Variants in E2F2 observed in about 807,000 individuals in gnomAD.
The protein encoded by E2F2 is E2F transcription factor 2, also known as transcription factor E2F2.
A neutral mutation model predicts 42.2 loss-of-function variants in E2F2; 22 were observed. The ratio of observed to expected loss-of-function variants is 0.52; its 90% CI spans 0.37 to 0.74. E2F2 has a LOEUF of 0.74. Ranked by LOEUF, E2F2 falls within the 30% of genes least tolerant of loss-of-function variation. The probability of loss-of-function intolerance (pLI) is 0.00; values close to 1 mark genes in which losing one functional copy is unlikely to be tolerated. For missense variants in E2F2, 481 were observed against 557.8 expected, an observed-to-expected ratio of 0.86 and a Z score of 1.39; for synonymous variants, 248 against 251.6, an observed-to-expected ratio of 0.99 and a Z score of 0.13.
At chr1:23,524,033 C>T (rs1228749651) in intron 2 of E2F2, among the ~76,000 whole-genome samples, 3 of 150,630 alleles carry the variant, frequency 2.0e-5, no homozygotes, top group African/African-American at 7.3e-5. Flanking sequence ...AAGATGGCAC[C>T]ACTGCAATCC....
At chr1:23,520,115 G>A (rs1346551071) in intron 4 of E2F2, among the ~76,000 whole-genome samples, 5 of 147,640 alleles carry the variant, frequency 3.4e-5, no homozygotes, top group Non-Finnish European at 6.0e-5. Flanking sequence ...GCATGGTGGC[G>A]GGCACCTGTA....
At chr1:23,514,341 AC>A (rs1189162509) in intron 6 of E2F2, among the ~76,000 whole-genome samples, 1 of 152,052 alleles carries the variant, frequency 6.6e-6, no homozygotes, top group African/African-American at 2.4e-5. Flanking sequence ...GTCCCAAGGG[AC>A]AGATGGCTAG....
At chr1:23,528,513 C>CTT (rs1250061939) in intron 1 of E2F2, among the ~76,000 whole-genome samples, 3 of 152,192 alleles carry the variant, frequency 2.0e-5, no homozygotes, top group African/African-American at 7.2e-5. Context: ...TGGTCTGCTG[C>CTT]AAGGAGACTC....
At chr1:23,521,383 G>A (rs988588276) in intron 3 of E2F2, among the ~76,000 whole-genome samples, 15 of 152,094 alleles carry the variant, frequency 9.9e-5, no homozygotes, top group Non-Finnish European at 1.9e-4. Context: ...TTTATGCCAA[G>A]GGCTATAGGT....
chr1:23,515,258 C>T (rs1642996239), intron 6 of E2F2, among the ~76,000 whole-genome samples: 2 of 152,242 alleles, frequency 1.3e-5, no homozygotes, highest in Admixed American at 6.5e-5. Flanking sequence ...CCTTTACAGG[C>T]TTCCATTTGT....
chr1:23,515,910 C>T (rs1009750026), intron 6 of E2F2, among the ~76,000 whole-genome samples: 21 of 152,110 alleles, frequency 1.4e-4, no homozygotes, highest in Admixed American at 1.0e-3. Flanking sequence ...CTATGTTGCC[C>T]GGGCTGCTCT....
chr1:23,512,694 C>A (rs1283074775), intron 6 of E2F2, among the ~76,000 whole-genome samples: 1 of 152,154 alleles, frequency 6.6e-6, no homozygotes, highest in Non-Finnish European at 1.5e-5. Flanking sequence ...CTGTTGATCA[C>A]GTCCAGAAAT....
At chr1:23,510,285 ATCCACCTT>A in intron 6 of E2F2, 137 bp from the exon 7 acceptor site, 2 of 1,364,938 alleles carry the variant, frequency 1.5e-6, no homozygotes, top group Non-Finnish European at 1.9e-6. Flanking sequence ...TGCTCTCAAA[ATCCACCTT>A]CCAGAGTCTA....
At chr1:23,521,700 T>C (rs917234320) in intron 3 of E2F2, 137 bp downstream of exon 3, 257 of 1,468,016 alleles carry the variant, frequency 1.8e-4, no homozygotes, top group South Asian at 9.5e-4. Context: ...TTGCTCTTGG[T>C]CCGCCTCAGC....
intron 6 of E2F2, among the ~76,000 whole-genome samples, chr1:23,514,309 G>A (rs1185446451): frequency 6.6e-6 from 1 of 152,122 alleles, no homozygotes; most frequent in Non-Finnish European, 1.5e-5. Flanking sequence ...GGTCTGGGAT[G>A]GGAGATAGGC....
In E2F2 at chr1:23,530,658, T is replaced by A. The variant is rs1371237761; in HGVS notation, c.136A>T (p.Thr46Ser). ...QLCPATATYY[T>S]PLYPQTAPPA... ...GGCGCCGTCTGCGGGTACAGCGGTGTGTAGTAGGTAGCAGTAGCTGGGCAG... is the reference window on the plus strand; with the variant it reads ...GGCGCCGTCTGCGGGTACAGCGGTGAGTAGTAGGTAGCAGTAGCTGGGCAG... The change falls in exon 1 of 7, where the codon ACA becomes TCA. Residue 46 changes from threonine to serine, a missense_variant. Physicochemically the swap from Thr to Ser is moderately conservative, Grantham distance 58 (BLOSUM62 1). Coordinates refer to ENST00000361729, the MANE Select transcript of E2F2 (RefSeq NM_004091.4). The surrounding 1 kb of genome is among the most constrained non-coding windows in gnomAD (Gnocchi z 4.4). 1.2e-6 allele frequency: 2 copies of A among 1,613,048 alleles called. No individual in the cohort carries two copies. Among genetic ancestry groups the A allele is most frequent in the Non-Finnish European group, 1.7e-6 (2 of 1,179,716 alleles).
chr1:23,529,516 C>T (rs1643304436), intron 1 of E2F2, among the ~76,000 whole-genome samples: 2 of 152,172 alleles, frequency 1.3e-5, no homozygotes, highest in Admixed American at 6.5e-5. Context: ...CGAACTTATT[C>T]ACCAAACTCA....
chr1:23,521,797 G>A (rs1468646371), intron 3 of E2F2, 40 bp downstream of exon 3: 3 of 1,609,656 alleles, frequency 1.9e-6, no homozygotes, highest in East Asian at 2.2e-5. Context: ...CACAGCACAA[G>A]TACCCATTGG....
chr1:23,530,898 C>A lies in E2F2; in HGVS notation c.-105G>T. ...ACGGCCCGCGGCATGGCGCGGAGGCCGGGGGAAGCCGCCAATGGACGCCTG... is the reference window on the plus strand; with the variant it reads ...ACGGCCCGCGGCATGGCGCGGAGGCAGGGGGAAGCCGCCAATGGACGCCTG... On this transcript the variant is annotated 5_prime_UTR_variant, in exon 1 of 7. Coordinates refer to ENST00000361729, the MANE Select transcript of E2F2 (RefSeq NM_004091.4). This position sits in a 1 kb window ranked among gnomAD's most constrained non-coding sequence, Gnocchi z 4.4. 7.3e-7 allele frequency: 1 copy of A among 1,368,358 alleles called. No homozygotes were observed. Among genetic ancestry groups the A allele is most frequent in the South Asian group, 1.7e-5 (1 of 60,284 alleles). The allele number at this position is 1,368,358 out of a possible 1,614,324, so 84.8% of individuals were successfully genotyped here.
At position 23,530,012 on chromosome 1, in the gene E2F2, C is replaced by G. The variant is rs1159793835; in HGVS notation, c.252+530G>C. Among the ~76,000 whole-genome samples, 1 of 152,164 alleles carries G rather than the reference C, an allele frequency of 6.6e-6. No homozygotes were observed. The highest frequency in any genetic ancestry group is 1.5e-5 in the Non-Finnish European group (1 of 68,032). The stretch of plus-strand genomic sequence containing the variant: ...GGCTGTCTGGGAGGGAAGACTGGGC[C>G]TGGGGGAGGACCTAGGGCAGATACT... On this transcript the variant is annotated intron_variant, in intron 1 of 6. Transcript: ENST00000361729. This position sits in a 1 kb window ranked among gnomAD's most constrained non-coding sequence, Gnocchi z 4.4.
rs1473913818 is a variant in E2F2 at position 23,530,705 on chromosome 1, G to A, written c.89C>T (p.Ser30Phe). ...GCAGAGCTGGGGGCTGCTGAGGCCG[G>A]ATGGCCACAGCTCTGTGGGGCTCAT... ...PAMSPTELWP[S>F]GLSSPQLCPA... The change falls in exon 1 of 7, where the codon TCC (serine) becomes TTC (phenylalanine). Residue 30 changes from serine to phenylalanine, a missense_variant. By Grantham distance (155) the Ser-to-Phe change is radical. Coordinates refer to ENST00000361729, the MANE Select transcript of E2F2 (RefSeq NM_004091.4). The surrounding 1 kb of genome is among the most constrained non-coding windows in gnomAD (Gnocchi z 4.4). 12 of 1,610,634 alleles carry A rather than the reference G, an allele frequency of 7.5e-6. No individual in the cohort carries two copies. The highest frequency in any genetic ancestry group is 3.4e-5 in the Admixed American group (2 of 59,452).
intron 4 of E2F2, among the ~76,000 whole-genome samples, chr1:23,520,413 T>C (rs1382334217): frequency 6.6e-6 from 1 of 152,080 alleles, no homozygotes; most frequent in African/African-American, 2.4e-5. Flanking sequence ...TTTAAAGAAA[T>C]TTACTTGGCT....
At chr1:23,524,267 G>C in intron 2 of E2F2, 116 bp downstream of exon 2, 3 of 790,088 alleles carry the variant, frequency 3.8e-6, no homozygotes, top group Non-Finnish European at 5.7e-6. Flanking sequence ...AATAAAATAC[G>C]CAGGAAGCTT....
At chr1:23,529,338 G>A (rs1046814771) in intron 1 of E2F2, among the ~76,000 whole-genome samples, 2 of 152,170 alleles carry the variant, frequency 1.3e-5, no homozygotes, top group African/African-American at 4.8e-5. Context: ...TGTGCAGGAA[G>A]GGTCTCCAGG....
Sources: gnomAD v4.1 joint callset for allele counts (sites outside exome capture counted in the v4.1 genomes callset) on GRCh38, gnomAD v4.1.1 for gene constraint, Gnocchi (gnomAD v3.1) non-coding constraint, MANE v1.5 for transcripts, NCBI Gene and HGNC (gene_info 2026-07-23, HGNC 2026-07-21) for gene names.